PSCA: variants seen among roughly 807,000 people sequenced by gnomAD.
PSCA encodes the protein prostate stem cell antigen.
PSCA carries 7 observed loss-of-function variants against 7.9 expected under a neutral mutation model. That is an observed-to-expected ratio of 0.89 (90% CI 0.51 to 1.67). The LOEUF is 1.67. Ranked by LOEUF, PSCA falls within the 40% of genes most tolerant of loss-of-function variation. PSCA has a pLI of 0.00. For synonymous variants in PSCA, 61 were observed against 68.3 expected (o/e 0.89, Z 0.53); for missense variants, 151 against 147.9 (o/e 1.02, Z -0.11).
At chr8:142,677,435 G>C (rs1554637913), upstream of PSCA, among the ~76,000 whole-genome samples, 1 of 152,220 alleles carries the variant, frequency 6.6e-6, no homozygotes, top group Non-Finnish European at 1.5e-5. Flanking sequence ...TGGCGGTGCA[G>C]AGTCACCCAC....
chr8:142,672,419 G>A (rs1388348457), intron 1 of PSCA, among the ~76,000 whole-genome samples: 5 of 152,178 alleles, frequency 3.3e-5, no homozygotes. Flanking sequence ...ATGATTCTGT[G>A]GGGCAGGAAT....
At chr8:142,676,970 AGT>A (rs2129862795), upstream of PSCA, among the ~76,000 whole-genome samples, 1 of 152,302 alleles carries the variant, frequency 6.6e-6, no homozygotes, top group African/African-American at 2.4e-5. Flanking sequence ...GTATGGCCAA[AGT>A]GTGAATGACA....
rs1158875011 is a variant in PSCA at position 142,682,248 on chromosome 8, G to A, written c.*116G>A. 13 of 1,285,942 alleles carry A rather than the reference G, an allele frequency of 1.0e-5. No individual in the cohort carries two copies. The highest frequency in any genetic ancestry group is 1.8e-4 in the Middle Eastern group (1 of 5,550). The allele number at this position is 1,285,942 out of a possible 1,614,324, so 79.7% of individuals were successfully genotyped here. A position where few individuals can be genotyped will look rare whatever the true frequency, so the allele number is the denominator to read the frequency against. ...CCTGGTTCCTGAGGCACATCCTAAC[G>A]CAAGTCTGACCATGTATGTCTGCGC... On this transcript the variant is annotated 3_prime_UTR_variant, in exon 3 of 3. Transcript: ENST00000301258.
upstream of PSCA, chr8:142,680,375 C>T: frequency 1.4e-6 from 1 of 731,988 alleles, no homozygotes; most frequent in Non-Finnish European, 2.3e-6. Context: ...AGGGAGGAGA[C>T]TCGGACCTGC....
chr8:142,679,319 T>C (rs1847435153), upstream of PSCA, among the ~76,000 whole-genome samples: 1 of 152,162 alleles, frequency 6.6e-6, no homozygotes, highest in Non-Finnish European at 1.5e-5. Flanking sequence ...GTCCTGAGGG[T>C]AAAGCACCTA....
chr8:142,678,580 G>A (rs1554638021), upstream of PSCA, among the ~76,000 whole-genome samples: 1 of 152,238 alleles, frequency 6.6e-6, no homozygotes, highest in Non-Finnish European at 1.5e-5. Flanking sequence ...AGAACCCGGG[G>A]GACAGGAGAA....
At chr8:142,680,753 G>A in intron 1 of PSCA, 190 bp downstream of exon 1, 1 of 723,234 alleles carries the variant, frequency 1.4e-6, no homozygotes, top group South Asian at 1.8e-5. Context: ...CCTGTTCCCT[G>A]CCGTCCCCTG....
chr8:142,674,929 C>T (rs913784644), intron 1 of PSCA, among the ~76,000 whole-genome samples: 2 of 152,256 alleles, frequency 1.3e-5, no homozygotes, highest in East Asian at 3.9e-4. Context: ...CACAAGGCCA[C>T]GCCGGAGCTA....
chr8:142,671,225 A>G (rs1847320123), intron 1 of PSCA, among the ~76,000 whole-genome samples: 1 of 152,182 alleles, frequency 6.6e-6, no homozygotes, highest in Non-Finnish European at 1.5e-5. Context: ...GTGAGAGGAC[A>G]ATGGGATGAA....
upstream of PSCA, chr8:142,675,850 A>G (rs1847394497): frequency 6.6e-6 from 1 of 152,254 alleles, no homozygotes. Flanking sequence ...CCTGATCTGC[A>G]AGGGCGTTTT....
intron 1 of PSCA, among the ~76,000 whole-genome samples, chr8:142,674,437 T>C (rs1337617262): frequency 5.3e-5 from 8 of 151,552 alleles, no homozygotes; most frequent in Non-Finnish European, 1.0e-4. Flanking sequence ...CATTTCAGTC[T>C]AACCTCAGCA....
exon 1 of PSCA, chr8:142,670,503 A>C (rs1291364977): frequency 6.6e-6 from 1 of 152,264 alleles, no homozygotes; most frequent in African/African-American, 2.4e-5. Context: ...GCTGGGGTCC[A>C]ATCCATACCC....
At chr8:142,681,152 A>G (rs1262035816) in intron 1 of PSCA, 175 bp from the exon 2 acceptor site, 2 of 584,754 alleles carry the variant, frequency 3.4e-6, no homozygotes, top group Admixed American at 6.0e-5. Flanking sequence ...ACAGGGCAAC[A>G]TTTCGGAGGC....
Position 142,682,619 on chromosome 8 carries a change from GGGCCTGGA to G in PSCA, c.*498_*505del. On this transcript the variant is annotated 3_prime_UTR_variant, in exon 3 of 3. Transcript: ENST00000301258. The stretch of plus-strand genomic sequence containing the variant: ...GAGTTCCTGGGAGTCTCCAGAGATG[GGGCCTGGA>G]GGCCTGGAGGAAGGGGCCAGGCCTC... The G allele has an allele frequency of 2.8e-6, 1 of 356,110 alleles. No individual in the cohort carries two copies. Among genetic ancestry groups the G allele is most frequent in the South Asian group, 2.1e-5 (1 of 47,428 alleles). 22.1% of individuals were successfully genotyped at this position (356,110 alleles called of 1,614,324 possible). A position where few individuals can be genotyped will look rare whatever the true frequency, so the allele number is the denominator to read the frequency against.
At chr8:142,674,930 G>A (rs781897310) in intron 1 of PSCA, among the ~76,000 whole-genome samples, 9 of 152,252 alleles carry the variant, frequency 5.9e-5, no homozygotes, top group Non-Finnish European at 1.0e-4. Context: ...ACAAGGCCAC[G>A]CCGGAGCTAA....
chr8:142,677,579 G>A (rs1229556214), upstream of PSCA, among the ~76,000 whole-genome samples: 2 of 152,210 alleles, frequency 1.3e-5, no homozygotes, highest in African/African-American at 4.8e-5. Context: ...AAAACGTCTT[G>A]TGCGGGAGTG....
At chr8:142,678,964 CT>C (rs1847430124), upstream of PSCA, among the ~76,000 whole-genome samples, 2 of 151,598 alleles carry the variant, frequency 1.3e-5, no homozygotes, top group Non-Finnish European at 2.9e-5. Context: ...CACCGCCCAG[CT>C]GACTGGCATG....
upstream of PSCA, chr8:142,676,698 A>G (rs1238977487): frequency 1.3e-5 from 2 of 152,278 alleles, no homozygotes; most frequent in Non-Finnish European, 2.9e-5. Flanking sequence ...CTAGTGTGTG[A>G]TCACCCAGGG....
At chr8:142,675,863 C>T (rs1276058196), upstream of PSCA, 2 of 152,200 alleles carry the variant, frequency 1.3e-5, no homozygotes, top group Non-Finnish European at 2.9e-5. Context: ...GGCGTTTTTC[C>T]AAAGCAAAGA....
Sources: allele counts gnomAD v4.1 joint callset (sites outside exome capture counted in the v4.1 genomes callset), GRCh38; gene constraint gnomAD v4.1.1; transcripts MANE v1.5; gene names NCBI Gene and HGNC (gene_info 2026-07-23, HGNC 2026-07-21).